PLCB1: variants seen among roughly 807,000 people sequenced by gnomAD.
The protein encoded by PLCB1 is 1-phosphatidylinositol 4,5-bisphosphate phosphodiesterase beta-1.
PLCB1 carries 46 observed loss-of-function variants against 161.8 expected under a neutral mutation model. The observed-to-expected ratio is 0.28, with a 90% CI of 0.22 to 0.36. PLCB1 has a LOEUF of 0.36. PLCB1 is among the 10% of genes least tolerant of loss of function. The probability of loss-of-function intolerance (pLI) is 1.00; values close to 1 mark genes in which losing one functional copy is unlikely to be tolerated. For missense variants in PLCB1, 1,016 were observed against 1,472.5 expected (o/e 0.69, Z 5.07); for synonymous variants, 517 against 503.7 (o/e 1.03, Z -0.35).
intron 4 of PLCB1, among the ~76,000 whole-genome samples, chr20:8,633,689 C>T (rs956806165): frequency 6.6e-6 from 1 of 152,030 alleles, no homozygotes; most frequent in African/African-American, 2.4e-5. Flanking sequence ...CAGAAAAGTG[C>T]ACAGTTTCTT....
intron 1 of PLCB1, among the ~76,000 whole-genome samples, chr20:8,145,498 A>G (rs1327733260): frequency 6.6e-6 from 1 of 152,272 alleles, no homozygotes; most frequent in Non-Finnish European, 1.5e-5. Context: ...GGGTAGCAAC[A>G]TGACAGCTCT....
chr20:8,597,004 T>G (rs1168619837), intron 3 of PLCB1, among the ~76,000 whole-genome samples: 1 of 150,072 alleles, frequency 6.7e-6, no homozygotes, highest in East Asian at 2.0e-4. Context: ...GATTTTGGGC[T>G]GAGACAATGG....
chr20:8,862,053 A>G (rs997823321), intron 31 of PLCB1, among the ~76,000 whole-genome samples: 3 of 152,178 alleles, frequency 2.0e-5, no homozygotes, highest in African/African-American at 7.2e-5. Context: ...TTATTTAATT[A>G]TTATTTTAAT....
intron 2 of PLCB1, chr20:8,248,617 G>T (rs1313669849): frequency 6.6e-6 from 1 of 151,898 alleles, no homozygotes; most frequent in African/African-American, 2.4e-5. Context: ...CTTCTGACGG[G>T]AAGGGCAGGT....
intron 2 of PLCB1, among the ~76,000 whole-genome samples, chr20:8,213,986 A>G (rs1978978563): frequency 2.0e-5 from 3 of 152,100 alleles, no homozygotes; most frequent in African/African-American, 4.8e-5. Context: ...GTTCTGTTAT[A>G]CTTTAATCCT....
intron 31 of PLCB1, among the ~76,000 whole-genome samples, chr20:8,812,217 G>A (rs770636846): frequency 1.2e-4 from 19 of 152,156 alleles, no homozygotes; most frequent in South Asian, 6.2e-4. Flanking sequence ...CCTTGGAATC[G>A]TTGGAAGAAG....
chr20:8,307,948 C>A (rs1480505079), intron 2 of PLCB1, among the ~76,000 whole-genome samples: 1 of 151,838 alleles, frequency 6.6e-6, no homozygotes, highest in Non-Finnish European at 1.5e-5. Flanking sequence ...ACAAACAAAA[C>A]AAAAACACCT....
intron 2 of PLCB1, among the ~76,000 whole-genome samples, chr20:8,356,608 A>G (rs907466272): frequency 6.6e-6 from 1 of 152,134 alleles, no homozygotes; most frequent in Non-Finnish European, 1.5e-5. Flanking sequence ...AGTGCTTAAG[A>G]CTCAGGTTAA....
chr20:8,626,174 T>C (rs1988337054), intron 3 of PLCB1, among the ~76,000 whole-genome samples: 2 of 70,364 alleles, frequency 2.8e-5, no homozygotes, highest in East Asian at 3.6e-4. Flanking sequence ...CAAGACTCCA[T>C]CTCAAAAAAA....
intron 3 of PLCB1, among the ~76,000 whole-genome samples, chr20:8,560,329 G>C (rs1986103220): frequency 6.6e-6 from 1 of 151,944 alleles, no homozygotes; most frequent in African/African-American, 2.4e-5. Context: ...CTCATCTTCA[G>C]ACTTAAATTG....
At chr20:8,800,635 A>G (rs1416947783) in intron 31 of PLCB1, among the ~76,000 whole-genome samples, 1 of 152,180 alleles carries the variant, frequency 6.6e-6, no homozygotes, top group East Asian at 1.9e-4. Context: ...TACATAAGAG[A>G]GAATAGAAAA....
chr20:8,208,428 C>T (rs1230453203), intron 2 of PLCB1, among the ~76,000 whole-genome samples: 4 of 152,108 alleles, frequency 2.6e-5, no homozygotes, highest in Admixed American at 2.0e-4. Flanking sequence ...GTCATTTTCC[C>T]ATACATCAAT....
intron 2 of PLCB1, among the ~76,000 whole-genome samples, chr20:8,342,632 A>G (rs903145597): frequency 6.6e-6 from 1 of 152,160 alleles, no homozygotes; most frequent in African/African-American, 2.4e-5. Flanking sequence ...GCAAGCCTGA[A>G]TAGCCCGGCG....
At chr20:8,448,824 A>T (rs979627017) in intron 3 of PLCB1, among the ~76,000 whole-genome samples, 4 of 152,158 alleles carry the variant, frequency 2.6e-5, no homozygotes, top group African/African-American at 9.7e-5. Flanking sequence ...ACAAAAACCA[A>T]CCTCAATAGT....
intron 31 of PLCB1, among the ~76,000 whole-genome samples, chr20:8,834,825 A>C (rs1437918205): frequency 2.0e-5 from 3 of 148,842 alleles, no homozygotes; most frequent in Non-Finnish European, 1.5e-5. Flanking sequence ...AAAAAAAAAA[A>C]AAAAAAAAAA....
chr20:8,803,614 A>T (rs934367287), intron 31 of PLCB1, among the ~76,000 whole-genome samples: 1 of 152,040 alleles, frequency 6.6e-6, no homozygotes, highest in Non-Finnish European at 1.5e-5. Context: ...ACCGACATAT[A>T]ATATCAATTT....
chr20:8,475,010 GACACACACACAC>G (rs11468682), intron 3 of PLCB1, among the ~76,000 whole-genome samples: 1 of 147,586 alleles, frequency 6.8e-6, no homozygotes, highest in African/African-American at 2.5e-5. Context: ...CACACACACA[GACACACACACAC>G]ACACACACAC....
At chr20:8,297,290 G>C (rs1983681389) in intron 2 of PLCB1, among the ~76,000 whole-genome samples, 1 of 152,056 alleles carries the variant, frequency 6.6e-6, no homozygotes. Context: ...GATGGACCTA[G>C]TATGCGACTA....
At chr20:8,756,148 C>T (rs374862470) in intron 23 of PLCB1, among the ~76,000 whole-genome samples, 27 of 152,254 alleles carry the variant, frequency 1.8e-4, no homozygotes, top group African/African-American at 6.3e-4. Flanking sequence ...ATTCTGACAA[C>T]TTTCACATTA....
Sources: allele counts gnomAD v4.1 joint callset (sites outside exome capture counted in the v4.1 genomes callset), GRCh38; gene constraint gnomAD v4.1.1; transcripts MANE v1.5; gene names NCBI Gene and HGNC (gene_info 2026-07-23, HGNC 2026-07-21).